The following GNA14 variants were observed in gnomAD, a reference collection of about 807,000 sequenced individuals.
GNA14 encodes the protein guanine nucleotide-binding protein subunit alpha-14.
In GNA14, 50 loss-of-function variants were observed where a neutral mutation model predicts 42.0. That is an observed-to-expected ratio of 1.19 (90% CI 0.95 to 1.51). The LOEUF (loss-of-function observed/expected upper bound fraction) is 1.51, where lower values mean the gene tolerates loss of function less well. Among genes scored for constraint, GNA14 ranks in the 40% most tolerant of loss-of-function variants. GNA14 has a pLI of 0.00. For synonymous variants in GNA14, 173 were observed against 163.1 expected, an observed-to-expected ratio of 1.06 and a Z score of -0.46; for missense variants, 473 against 446.2, an observed-to-expected ratio of 1.06 and a Z score of -0.54.
At chr9:77,486,901 T>A (rs184840552) in intron 2 of GNA14, among the ~76,000 whole-genome samples, 5 of 152,112 alleles carry the variant, frequency 3.3e-5, no homozygotes, top group Non-Finnish European at 4.4e-5. Flanking sequence ...GTGAAAAGGT[T>A]TGAAATATTG....
chr9:77,503,240 T>C (rs1417611457), intron 2 of GNA14, among the ~76,000 whole-genome samples: 1 of 152,252 alleles, frequency 6.6e-6, no homozygotes, highest in Non-Finnish European at 1.5e-5. Flanking sequence ...TGACCTGTTC[T>C]GAACACCAGT....
At chr9:77,519,886 T>C (rs544758840) in intron 2 of GNA14, among the ~76,000 whole-genome samples, 2 of 152,250 alleles carry the variant, frequency 1.3e-5, no homozygotes, top group African/African-American at 4.8e-5. Context: ...GGTATATGCC[T>C]GTAATCCCAG....
chr9:77,501,713 C>CTCTT (rs1836974885), intron 2 of GNA14, among the ~76,000 whole-genome samples: 1 of 130,420 alleles, frequency 7.7e-6, no homozygotes, highest in East Asian at 2.3e-4. Context: ...TGGATAATTT[C>CTCTT]TTTTTTTTTT....
intron 3 of GNA14, among the ~76,000 whole-genome samples, chr9:77,433,638 C>T (rs1402217760): frequency 6.6e-6 from 1 of 152,172 alleles, no homozygotes; most frequent in East Asian, 1.9e-4. Context: ...CCTGGGATTA[C>T]AGATGTGAAC....
intron 1 of GNA14, among the ~76,000 whole-genome samples, chr9:77,535,448 G>A (rs974685878): frequency 6.6e-6 from 1 of 152,168 alleles, no homozygotes; most frequent in African/African-American, 2.4e-5. Flanking sequence ...TGAGGCTGAG[G>A]CAGGAGAATG....
chr9:77,528,906 C>T (rs1165866259), intron 2 of GNA14, among the ~76,000 whole-genome samples, 163 bp downstream of exon 2: 1 of 152,106 alleles, frequency 6.6e-6, no homozygotes, highest in African/African-American at 2.4e-5. Flanking sequence ...GAAAGAAGAC[C>T]GGGGGCTAAC....
intron 1 of GNA14, among the ~76,000 whole-genome samples, chr9:77,615,159 T>C (rs980525625): frequency 9.8e-5 from 15 of 152,338 alleles, no homozygotes; most frequent in Non-Finnish European, 1.8e-4. Flanking sequence ...AGCACTGTCA[T>C]GGAGCTTTTA....
At chr9:77,459,303 C>A (rs1418467477) in intron 2 of GNA14, among the ~76,000 whole-genome samples, 1 of 152,120 alleles carries the variant, frequency 6.6e-6, no homozygotes, top group Non-Finnish European at 1.5e-5. Context: ...TATTTTACCA[C>A]AATTAAACAT....
Position 77,647,688 on chromosome 9 carries a change from G to A in GNA14, c.106C>T (p.Leu36Phe). 6.2e-7 allele frequency: 1 copy of A among 1,610,302 alleles called. No individual in the cohort carries two copies. The highest frequency in any genetic ancestry group is 1.7e-4 in the Middle Eastern group (1 of 6,058). Residue 36 changes from leucine to phenylalanine, a missense_variant, in exon 1 of 7, where the codon CTT becomes TTT. Coordinates refer to ENST00000341700, the MANE Select transcript of GNA14 (RefSeq NM_004297.4). ...CACTCACCCAGCAGCAGCAGCTTAAGCTCACGGCGCGCGTCCTTCTTGTCC... is the reference window on the plus strand; with the variant it reads ...CACTCACCCAGCAGCAGCAGCTTAAACTCACGGCGCGCGTCCTTCTTGTCC... Reference protein sequence around the residue: ...RRDKKDARRELKLLLLGTGES... With the variant: ...RRDKKDARREFKLLLLGTGES...
rs144737864 is a variant in GNA14 at position 77,646,251 on chromosome 9, C to T, written c.124+1419G>A. 1.0e-3 allele frequency among the ~76,000 whole-genome samples: 158 copies of T among 152,316 alleles called. 1 individual carries two copies. The highest frequency in any genetic ancestry group is 3.7e-3 in the African/African-American group (154 of 41,582). ...TTTTACGCCCCAGCAAACAGCTGCC[C>T]CTTTGTGAGCTCTCCAGGGATCAGG... On this transcript the variant is annotated intron_variant, in intron 1 of 6. Coordinates refer to ENST00000341700, the MANE Select transcript of GNA14 (RefSeq NM_004297.4).
chr9:77,602,851 T>G (rs1276829797), intron 1 of GNA14, among the ~76,000 whole-genome samples: 1 of 152,240 alleles, frequency 6.6e-6, no homozygotes, highest in Non-Finnish European at 1.5e-5. Context: ...TTTAATGCTC[T>G]GCTGTTACTG....
Position 77,423,407 on chromosome 9 carries a change from T to A in GNA14, c.*572A>T, listed in dbSNP as rs540711434. On this transcript the variant is annotated 3_prime_UTR_variant, in exon 7 of 7. Coordinates refer to ENST00000341700, the MANE Select transcript of GNA14 (RefSeq NM_004297.4). ...TAGATATACTTATATATCCATTAAT[T>A]TGGCTTAGAAAGTTAACACACAAAA... The A allele has an allele frequency of 6.6e-6, 1 of 152,258 alleles. No individual in the cohort carries two copies. The highest frequency in any genetic ancestry group is 1.9e-4 in the East Asian group (1 of 5,184). 9.4% of individuals were successfully genotyped at this position (152,258 alleles called of 1,614,324 possible).
chr9:77,528,951 C>T, intron 2 of GNA14, 118 bp downstream of exon 2: 1 of 848,896 alleles, frequency 1.2e-6, no homozygotes. Context: ...GATCCCCACA[C>T]CCCAGGGAAC....
chr9:77,437,262 C>T lies in GNA14; in HGVS notation c.310-2740G>A, dbSNP rs1017717709. 3.9e-5 allele frequency among the ~76,000 whole-genome samples: 6 copies of T among 152,168 alleles called. No homozygotes were observed. In the East Asian group the frequency reaches 9.6e-4, roughly 24 times the overall value. The stretch of plus-strand genomic sequence containing the variant: ...TTGTCTCTTTTGAAAATAAACATTA[C>T]GGCCAAGTGCAGTGGCTCACGCCTG... On this transcript the variant is annotated intron_variant, in intron 2 of 6. Transcript: ENST00000341700.
intron 1 of GNA14, among the ~76,000 whole-genome samples, chr9:77,604,231 C>T (rs917560682): frequency 6.6e-6 from 1 of 152,144 alleles, no homozygotes; most frequent in African/African-American, 2.4e-5. Flanking sequence ...TTCTGCTACA[C>T]CCAAAACCAC....
At chr9:77,515,051 G>A (rs1587811009) in intron 2 of GNA14, among the ~76,000 whole-genome samples, 1 of 152,150 alleles carries the variant, frequency 6.6e-6, no homozygotes, top group African/African-American at 2.4e-5. Flanking sequence ...AATCCAATAG[G>A]GAGAGGAAAT....
chr9:77,491,526 A>G (rs192997834), intron 2 of GNA14, among the ~76,000 whole-genome samples: 1 of 152,370 alleles, frequency 6.6e-6, no homozygotes, highest in Admixed American at 6.5e-5. Flanking sequence ...TGTATCAGAT[A>G]AAATAGACTA....
Position 77,511,892 on chromosome 9 carries a change from A to G in GNA14, c.309+17177T>C, listed in dbSNP as rs557267873. On this transcript the variant is annotated intron_variant, in intron 2 of 6. Transcript: ENST00000341700. ...CAGAAGGCCTCTAATTTGGCACAAA[A>G]TGTTACAGATACTCCCCAAAGGCAG... Among the ~76,000 whole-genome samples, 4 of 152,312 alleles carry G rather than the reference A, an allele frequency of 2.6e-5. No homozygotes were observed. In the East Asian group the frequency reaches 5.8e-4, roughly 22 times the overall value.
intron 2 of GNA14, among the ~76,000 whole-genome samples, chr9:77,442,189 T>C (rs1337561061): frequency 6.6e-6 from 1 of 152,160 alleles, no homozygotes; most frequent in African/African-American, 2.4e-5. Context: ...CTGACCAACA[T>C]TGCAAAACCC....
Sources: allele counts gnomAD v4.1 joint callset (sites outside exome capture counted in the v4.1 genomes callset), GRCh38; gene constraint gnomAD v4.1.1; transcripts MANE v1.5; gene names NCBI Gene and HGNC (gene_info 2026-07-23, HGNC 2026-07-21).